Variants in RBFOX1 observed in about 807,000 individuals in gnomAD.
RBFOX1 encodes the protein RNA binding fox-1 homolog 1.
Under a neutral mutation model 57.7 loss-of-function variants are expected in RBFOX1, and 8 were observed. The ratio of observed to expected loss-of-function variants is 0.14; its 90% confidence interval spans 0.08 to 0.25. The LOEUF (loss-of-function observed/expected upper bound fraction) is 0.25. Ranked by LOEUF, RBFOX1 falls within the 10% of genes least tolerant of loss-of-function variation. RBFOX1 has a pLI of 1.00. For missense variants in RBFOX1, 611 were observed against 548.5 expected (o/e 1.11, Z -1.14); for synonymous variants, 326 against 222.4 (o/e 1.47, Z -4.15).
chr16:7,351,499 T>G (rs968188717), intron 4 of RBFOX1, among the ~76,000 whole-genome samples: 1 of 152,332 alleles, frequency 6.6e-6, no homozygotes, highest in Non-Finnish European at 1.5e-5. Context: ...CCATAATGTA[T>G]ATATAAACTG....
intron 1 of RBFOX1, among the ~76,000 whole-genome samples, chr16:6,054,180 T>C (rs914426123): frequency 4.6e-5 from 7 of 152,174 alleles, no homozygotes; most frequent in African/African-American, 1.7e-4. Flanking sequence ...CCTAATAGGG[T>C]AAATTTTTGT....
At chr16:6,269,018 C>G (rs952364342) in intron 1 of RBFOX1, among the ~76,000 whole-genome samples, 1 of 152,166 alleles carries the variant, frequency 6.6e-6, no homozygotes, top group Non-Finnish European at 1.5e-5. Flanking sequence ...AAGCATTTAT[C>G]ATTTTATTTG....
chr16:7,204,030 T>A (rs1385822193), intron 4 of RBFOX1, among the ~76,000 whole-genome samples: 1 of 152,266 alleles, frequency 6.6e-6, no homozygotes, highest in Non-Finnish European at 1.5e-5. Context: ...AACTAACATT[T>A]CGATCTGCAG....
intron 4 of RBFOX1, among the ~76,000 whole-genome samples, chr16:7,473,474 A>G (rs539101637): frequency 2.0e-5 from 3 of 148,156 alleles, no homozygotes; most frequent in African/African-American, 7.3e-5. Flanking sequence ...CTTTATACAT[A>G]ATATATATGT....
At chr16:6,296,946 C>T (rs1439125433) in intron 1 of RBFOX1, among the ~76,000 whole-genome samples, 11 of 152,148 alleles carry the variant, frequency 7.2e-5, no homozygotes, top group Admixed American at 5.2e-4. Context: ...AATGGTTACT[C>T]GATGGAGAAA....
At chr16:6,842,662 T>TC (rs2093545234) in intron 3 of RBFOX1, among the ~76,000 whole-genome samples, 1 of 151,738 alleles carries the variant, frequency 6.6e-6, no homozygotes, top group Non-Finnish European at 1.5e-5. Flanking sequence ...CTTTTTTTTT[T>TC]TTTAATTTTA....
chr16:6,810,758 G>A (rs1049141662), intron 3 of RBFOX1, among the ~76,000 whole-genome samples: 13 of 152,100 alleles, frequency 8.5e-5, no homozygotes, highest in Non-Finnish European at 1.5e-4. Flanking sequence ...AACGGAGCAA[G>A]AGCAGAGAGA....
At chr16:5,346,636 T>A (rs751614025) in intron 1 of RBFOX1, among the ~76,000 whole-genome samples, 1 of 152,226 alleles carries the variant, frequency 6.6e-6, no homozygotes, top group Non-Finnish European at 1.5e-5. Flanking sequence ...CCTGGGAATT[T>A]TCAGTGCAAT....
intron 1 of RBFOX1, among the ~76,000 whole-genome samples, chr16:6,043,390 C>T (rs2095462101): frequency 6.6e-6 from 1 of 152,060 alleles, no homozygotes; most frequent in Non-Finnish European, 1.5e-5. Context: ...GTCAAAGAAA[C>T]ATTTTGGGAT....
At chr16:5,770,769 T>A (rs2053951835) in intron 3 of RBFOX1, among the ~76,000 whole-genome samples, 1 of 152,222 alleles carries the variant, frequency 6.6e-6, no homozygotes, top group African/African-American at 2.4e-5. Flanking sequence ...TACAATGAAC[T>A]GGCAGGATGT....
chr16:6,950,077 G>C (rs1298314283), intron 3 of RBFOX1, among the ~76,000 whole-genome samples: 1 of 149,720 alleles, frequency 6.7e-6, no homozygotes. Flanking sequence ...CTCCCGAGTA[G>C]CTAGGATTAT....
At chr16:7,290,454 G>A (rs930874136) in intron 4 of RBFOX1, among the ~76,000 whole-genome samples, 4 of 152,194 alleles carry the variant, frequency 2.6e-5, no homozygotes, top group South Asian at 2.1e-4. Flanking sequence ...TCCTTTCGTA[G>A]TTGAGCACTG....
At chr16:6,963,925 C>G (rs1175681596) in intron 3 of RBFOX1, among the ~76,000 whole-genome samples, 5 of 152,028 alleles carry the variant, frequency 3.3e-5, no homozygotes, top group African/African-American at 1.2e-4. Context: ...GTGTCGATCT[C>G]CTGACATCAT....
intron 3 of RBFOX1, among the ~76,000 whole-genome samples, chr16:6,906,751 C>G (rs545343692): frequency 6.8e-6 from 1 of 146,036 alleles, no homozygotes; most frequent in Non-Finnish European, 1.5e-5. Context: ...GAGACAGAGT[C>G]TTGCTCTGTT....
intron 2 of RBFOX1, among the ~76,000 whole-genome samples, chr16:6,636,822 T>C (rs1349867873): frequency 8.8e-6 from 1 of 113,214 alleles, no homozygotes. Context: ...TAATATATAA[T>C]ATATGTTATA....
At chr16:5,442,070 T>G (rs771089379) in intron 1 of RBFOX1, among the ~76,000 whole-genome samples, 5 of 151,568 alleles carry the variant, frequency 3.3e-5, no homozygotes, top group Non-Finnish European at 7.4e-5. Flanking sequence ...ATGCAGAGAG[T>G]TGGGGAGTTT....
chr16:5,992,477 A>C lies in RBFOX1; in HGVS notation c.351+125142A>C, dbSNP rs188229193. Reference sequence around the variant, plus strand: ...GAATTCCTTTTGACAGGATCCCCCAACTTAGATCTTGCAGGTTTTTCCTGC... The same window carrying C: ...GAATTCCTTTTGACAGGATCCCCCACCTTAGATCTTGCAGGTTTTTCCTGC... On this transcript the variant is annotated intron_variant, in intron 4 of 19. Transcript: ENST00000641259. Among the ~76,000 whole-genome samples the C allele has an allele frequency of 3.2e-4, 49 of 152,238 alleles. 2 individuals carry two copies. In the East Asian group the frequency reaches 8.9e-3, roughly 28 times the overall value.
At chr16:6,437,705 G>A (rs2094276035) in intron 2 of RBFOX1, among the ~76,000 whole-genome samples, 2 of 152,312 alleles carry the variant, frequency 1.3e-5, no homozygotes, top group South Asian at 2.1e-4. Flanking sequence ...TACAATCATG[G>A]TGGAATGGCG....
At chr16:6,779,369 A>C (rs1366628626) in intron 3 of RBFOX1, among the ~76,000 whole-genome samples, 1 of 152,018 alleles carries the variant, frequency 6.6e-6, no homozygotes, top group African/African-American at 2.4e-5. Context: ...GTGGTTGAAT[A>C]ATATTCCATT....
Sources: gnomAD v4.1 joint callset for allele counts (sites outside exome capture counted in the v4.1 genomes callset) on GRCh38, gnomAD v4.1.1 for gene constraint, MANE v1.5 for transcripts, NCBI Gene and HGNC (gene_info 2026-07-23, HGNC 2026-07-21) for gene names.